ARHGAP25: variants seen among roughly 807,000 people sequenced by gnomAD.
ARHGAP25 encodes rho GTPase-activating protein 25.
A neutral mutation model predicts 71.0 loss-of-function variants in ARHGAP25; 34 were observed. That is an observed-to-expected ratio of 0.48 (90% CI 0.36 to 0.64). The LOEUF is 0.64. Ranked by LOEUF, ARHGAP25 falls within the 30% of genes least tolerant of loss-of-function variation. ARHGAP25 has a pLI of 0.00. For synonymous variants in ARHGAP25, 282 were observed against 296.5 expected (o/e 0.95, Z 0.50); for missense variants, 706 against 805.1 (o/e 0.88, Z 1.49).
intron 4 of ARHGAP25, among the ~76,000 whole-genome samples, chr2:68,797,604 G>A (rs574145472): frequency 8.7e-4 from 133 of 152,260 alleles, no homozygotes; most frequent in Non-Finnish European, 1.5e-3. Flanking sequence ...AGAACGGGCC[G>A]CAAGGGTTCA....
chr2:68,728,266 A>G (rs899634084), intron 2 of ARHGAP25, among the ~76,000 whole-genome samples: 2 of 152,240 alleles, frequency 1.3e-5, no homozygotes, highest in African/African-American at 4.8e-5. Flanking sequence ...CAAAACCCCA[A>G]TGAGATAATA....
At chr2:68,729,641 T>C (rs544981758) in intron 2 of ARHGAP25, among the ~76,000 whole-genome samples, 1 of 152,358 alleles carries the variant, frequency 6.6e-6, no homozygotes, top group South Asian at 2.1e-4. Context: ...TAATGCCAAC[T>C]GTTAGTGAGG....
intron 3 of ARHGAP25, among the ~76,000 whole-genome samples, chr2:68,785,088 A>G (rs1678654154): frequency 6.6e-6 from 1 of 152,228 alleles, no homozygotes; most frequent in South Asian, 2.1e-4. Context: ...CAAGGAGGCC[A>G]GTGTGGTTAC....
chr2:68,715,655 G>C (rs753479178), intron 2 of ARHGAP25, among the ~76,000 whole-genome samples: 2 of 152,198 alleles, frequency 1.3e-5, no homozygotes, highest in African/African-American at 2.4e-5. Context: ...TGAACCGAGG[G>C]AAGAACCTGG....
At chr2:68,720,329 A>AAAAGAAAAG (rs1553391460) in intron 2 of ARHGAP25, among the ~76,000 whole-genome samples, 3 of 149,496 alleles carry the variant, frequency 2.0e-5, no homozygotes, top group African/African-American at 7.4e-5. Context: ...AAAAAAAAAA[A>AAAAGAAAAG]AAAAGAAAAG....
In ARHGAP25 at chr2:68,822,835, G is replaced by A; in HGVS notation, c.1696G>A (p.Glu566Lys). 6.2e-7 allele frequency: 1 copy of A among 1,613,608 alleles called. No homozygotes were observed. The highest frequency in any genetic ancestry group is 8.5e-7 in the Non-Finnish European group (1 of 1,179,940). ...GGTCCAAGAGCTACGAAAGGAAATA[G>A]AAACACAGAAGCAAATGTATGAGGA... ...RMVQELRKEI[E>K]TQKQMYEEQI... is the part of the protein sequence containing the mutation. Residue 566 changes from glutamate (E) to lysine (K), a missense_variant, in exon 10 of 11, where the codon GAA becomes AAA. Physicochemically the swap from Glu to Lys is moderately conservative, Grantham distance 56. Transcript: ENST00000409202.
At chr2:68,816,542 T>C in intron 7 of ARHGAP25, 180 bp downstream of exon 7, 1 of 611,052 alleles carries the variant, frequency 1.6e-6, no homozygotes, top group East Asian at 2.8e-5. Context: ...TCTGAAAACC[T>C]GGTTGAACCA....
intron 1 of ARHGAP25, among the ~76,000 whole-genome samples, chr2:68,760,149 A>C (rs939760903): frequency 5.3e-5 from 8 of 152,072 alleles, no homozygotes; most frequent in Non-Finnish European, 1.0e-4. Flanking sequence ...CTTTCATGAT[A>C]AAAACACTCA....
intron 1 of ARHGAP25, among the ~76,000 whole-genome samples, chr2:68,772,262 G>A (rs1369724204): frequency 1.3e-5 from 2 of 152,224 alleles, no homozygotes; most frequent in African/African-American, 4.8e-5. Context: ...TCCTAATGAT[G>A]TCTGTGGGCC....
At chr2:68,801,719 A>G (rs1679979636) in intron 4 of ARHGAP25, among the ~76,000 whole-genome samples, 1 of 152,174 alleles carries the variant, frequency 6.6e-6, no homozygotes, top group Non-Finnish European at 1.5e-5. Context: ...TCCACAGTCC[A>G]GTGGAAGAGA....
Position 68,792,844 on chromosome 2 carries a change from T to G in ARHGAP25, c.466+4888T>G, listed in dbSNP as rs1679279922. 1.3e-5 allele frequency among the ~76,000 whole-genome samples: 2 copies of G among 152,206 alleles called. 1 individual carries two copies. The highest frequency in any genetic ancestry group is 4.1e-4 in the South Asian group (2 of 4,838). ...GTTTTATTTTTAGTTTTCTGAGAAA[T>G]CTCCATACTGTTTTCCATAGAGGTT... On this transcript the variant is annotated intron_variant, in intron 4 of 10. Coordinates refer to ENST00000409202, the MANE Select transcript of ARHGAP25 (RefSeq NM_001007231.3).
chr2:68,793,880 A>C (rs939261252), intron 4 of ARHGAP25, among the ~76,000 whole-genome samples: 13 of 152,134 alleles, frequency 8.5e-5, no homozygotes, highest in Admixed American at 8.5e-4. Context: ...GATTATTTTA[A>C]TGATAATGAT....
intron 1 of ARHGAP25, among the ~76,000 whole-genome samples, chr2:68,748,087 C>T (rs553910609): frequency 4.6e-5 from 7 of 152,122 alleles, no homozygotes; most frequent in South Asian, 2.1e-4. Context: ...GATCTATGCC[C>T]GTGGGATCAG....
At chr2:68,714,753 T>C (rs962274370) in intron 2 of ARHGAP25, among the ~76,000 whole-genome samples, 2 of 152,320 alleles carry the variant, frequency 1.3e-5, no homozygotes, top group Middle Eastern at 3.4e-3. Flanking sequence ...CCAGTAGTCA[T>C]TCAGGAGCAG....
At chr2:68,781,347 G>A (rs1228182890) in intron 2 of ARHGAP25, among the ~76,000 whole-genome samples, 9 of 152,048 alleles carry the variant, frequency 5.9e-5, no homozygotes, top group Non-Finnish European at 1.0e-4. Flanking sequence ...CTGAGATCAC[G>A]CCACTGCACT....
In ARHGAP25 at chr2:68,755,991, T is replaced by C. The variant is rs188223206; in HGVS notation, c.62-19230T>C. 7.1e-3 allele frequency among the ~76,000 whole-genome samples: 1,077 copies of C among 152,358 alleles called. 10 individuals are homozygous for C. The highest frequency in any genetic ancestry group is 0.018 in the South Asian group (89 of 4,834). On this transcript the variant is annotated intron_variant, in intron 1 of 10. Transcript: ENST00000409202. ...AATTATACCCTTAAAATATAGCTCA[T>C]AGAGGATTATGTGTACATGGCAGAA...
At chr2:68,809,421 C>G (rs950871709) in intron 5 of ARHGAP25, among the ~76,000 whole-genome samples, 2 of 152,276 alleles carry the variant, frequency 1.3e-5, no homozygotes, top group Admixed American at 6.5e-5. Flanking sequence ...CAAATTAACT[C>G]TGAAGTGAAA....
chr2:68,813,430 T>TAG lies in ARHGAP25; in HGVS notation c.807+14_807+15dup, dbSNP rs1363611354. 6.2e-7 allele frequency: 1 copy of TAG among 1,609,398 alleles called. No individual in the cohort carries two copies. The highest frequency in any genetic ancestry group is 1.1e-5 in the South Asian group (1 of 90,494). On this transcript the variant is annotated intron_variant, in intron 6 of 10. Coordinates refer to ENST00000409202, the MANE Select transcript of ARHGAP25 (RefSeq NM_001007231.3). ...GCGGATGAGGCAAAGGTTTGCATCT[T>TAG]AGAGTTAGTTGTCCTGCCTTAGAAG...
Position 68,787,756 on chromosome 2 carries a change from A to G in ARHGAP25, c.350-84A>G, listed in dbSNP as rs138979044. 119 of 1,080,172 alleles carry G rather than the reference A, an allele frequency of 1.1e-4. No homozygotes were observed. In the East Asian group the frequency reaches 1.3e-3, roughly 12 times the overall value. 66.9% of individuals were successfully genotyped at this position (1,080,172 alleles called of 1,614,324 possible). ...AGTGCTTCATTGAACCAAGACATCA[A>G]TTTAGGTCTGGTTCCCTTCTCTTCC... On this transcript the variant is annotated intron_variant, in intron 3 of 10. Coordinates refer to ENST00000409202, the MANE Select transcript of ARHGAP25 (RefSeq NM_001007231.3).
Sources: gnomAD v4.1 joint callset for allele counts (sites outside exome capture counted in the v4.1 genomes callset) on GRCh38, gnomAD v4.1.1 for gene constraint, MANE v1.5 for transcripts, NCBI Gene and HGNC (gene_info 2026-07-23, HGNC 2026-07-21) for gene names.